The following ASPRV1 variants were observed in gnomAD, a reference collection of about 807,000 sequenced individuals.
ASPRV1 encodes the protein retroviral-like aspartic protease 1.
In ASPRV1, 7 loss-of-function variants were observed where a neutral mutation model predicts 11.0. That is an observed-to-expected ratio of 0.64 (90% CI 0.36 to 1.20). The LOEUF (loss-of-function observed/expected upper bound fraction) is 1.20, where lower values mean the gene tolerates loss of function less well. Ranked by LOEUF, ASPRV1 falls within the 50% of genes most tolerant of loss-of-function variation. ASPRV1 has a pLI of 0.02. For missense variants in ASPRV1, 299 were observed against 320.0 expected (o/e 0.93, Z 0.50); for synonymous variants, 136 against 138.4 (o/e 0.98, Z 0.12).
chr2:70,051,950 G>A, the ASPRV1 span, among the ~76,000 whole-genome samples: 1 of 152,064 alleles, frequency 6.6e-6, no homozygotes, highest in Non-Finnish European at 1.5e-5. Flanking sequence ...ACTCCAGTGT[G>A]GGTGACAGAG....
the ASPRV1 span, among the ~76,000 whole-genome samples, chr2:70,009,642 C>T: frequency 0.23 from 34,329 of 151,980 alleles, 6,550 homozygotes; most frequent in African/African-American, 0.48. Context: ...AACTTACTAT[C>T]TTAAATAAAT....
the ASPRV1 span, chr2:69,988,853 G>A: frequency 6.6e-6 from 3 of 456,338 alleles, no homozygotes; most frequent in South Asian, 4.7e-5. Flanking sequence ...AGTAGGATGG[G>A]AGGGGTCAGG....
the ASPRV1 span, among the ~76,000 whole-genome samples, chr2:70,006,395 C>A: frequency 1.3e-5 from 2 of 152,184 alleles, no homozygotes; most frequent in African/African-American, 4.8e-5. Context: ...GAGGCCAATT[C>A]TGTTTCCTTA....
chr2:69,935,471 T>C, the ASPRV1 span: 1 of 1,589,416 alleles, frequency 6.3e-7, no homozygotes, highest in Admixed American at 1.7e-5. Flanking sequence ...TAAAGGTAAG[T>C]GTATTGTTGG....
the ASPRV1 span, among the ~76,000 whole-genome samples, chr2:70,006,875 G>A: frequency 6.6e-6 from 1 of 152,130 alleles, no homozygotes; most frequent in African/African-American, 2.4e-5. Context: ...CAAGTGCTCG[G>A]GGTCTACAGA....
the ASPRV1 span, among the ~76,000 whole-genome samples, chr2:70,040,811 G>A: frequency 1.3e-5 from 2 of 152,146 alleles, no homozygotes; most frequent in African/African-American, 2.4e-5. Context: ...TCCAGCCTGG[G>A]TGACAGAGTG....
the ASPRV1 span, among the ~76,000 whole-genome samples, chr2:69,951,996 C>T: frequency 1.2e-4 from 19 of 152,268 alleles, no homozygotes; most frequent in African/African-American, 4.1e-4. Flanking sequence ...ACCCACTTGC[C>T]TTGCTCTGTT....
chr2:69,937,777 G>A, the ASPRV1 span, among the ~76,000 whole-genome samples: 2 of 152,148 alleles, frequency 1.3e-5, no homozygotes, highest in Non-Finnish European at 2.9e-5. Flanking sequence ...ACAATGCCTG[G>A]CAAATTTTCC....
the ASPRV1 span, chr2:70,086,402 G>C: frequency 6.6e-6 from 1 of 152,244 alleles, no homozygotes; most frequent in African/African-American, 2.4e-5. Flanking sequence ...TTAGCCCAAG[G>C]AGGAAGGGGA....
At chr2:69,998,162 G>C in the ASPRV1 span, 9 of 151,954 alleles carry the variant, frequency 5.9e-5, no homozygotes, top group African/African-American at 1.9e-4. Flanking sequence ...GCAGTGTGGG[G>C]ACACATTTAT....
At chr2:69,992,588 C>T in the ASPRV1 span, among the ~76,000 whole-genome samples, 1 of 152,218 alleles carries the variant, frequency 6.6e-6, no homozygotes, top group African/African-American at 2.4e-5. Context: ...TCCTCTACCC[C>T]TCACATTATT....
the ASPRV1 span, among the ~76,000 whole-genome samples, chr2:70,060,620 C>G: frequency 3.3e-5 from 5 of 152,006 alleles, no homozygotes; most frequent in Admixed American, 3.3e-4. Flanking sequence ...TGAGACCAGC[C>G]TGACCACCAC....
At chr2:70,049,057 C>CT in the ASPRV1 span, 3 of 149,930 alleles carry the variant, frequency 2.0e-5, no homozygotes, top group African/African-American at 7.4e-5. Context: ...TATTATTATA[C>CT]TTTAAGTTTT....
At chr2:70,038,591 GA>G in the ASPRV1 span, among the ~76,000 whole-genome samples, 3 of 151,572 alleles carry the variant, frequency 2.0e-5, no homozygotes, top group Admixed American at 6.6e-5. Flanking sequence ...TCTCAAGGGG[GA>G]AAAAAAAGCG....
At chr2:70,016,854 C>A in the ASPRV1 span, among the ~76,000 whole-genome samples, 2 of 149,434 alleles carry the variant, frequency 1.3e-5, no homozygotes, top group Admixed American at 6.6e-5. Context: ...TCTGTCCCCA[C>A]CAAGGGAGAA....
At chr2:70,001,031 T>G in the ASPRV1 span, among the ~76,000 whole-genome samples, 1 of 152,078 alleles carries the variant, frequency 6.6e-6, no homozygotes, top group Non-Finnish European at 1.5e-5. Flanking sequence ...AAGGACATAG[T>G]GAAGGAGGCA....
chr2:70,074,053 G>A, the ASPRV1 span, among the ~76,000 whole-genome samples: 27 of 130,468 alleles, frequency 2.1e-4, no homozygotes, highest in East Asian at 6.6e-3. Context: ...AGAATGGCGT[G>A]AACCCAGGAG....
the ASPRV1 span, among the ~76,000 whole-genome samples, chr2:70,005,894 CT>C: frequency 1.3e-5 from 2 of 152,232 alleles, no homozygotes; most frequent in African/African-American, 4.8e-5. Flanking sequence ...CCCTCAGCCC[CT>C]GTTTACATAG....
chr2:70,065,662 A>G, the ASPRV1 span, among the ~76,000 whole-genome samples: 1 of 151,118 alleles, frequency 6.6e-6, no homozygotes, highest in Admixed American at 6.6e-5. Flanking sequence ...TTCTACAAAA[A>G]ATTTTTTTAA....
Sources: gnomAD v4.1 joint callset for allele counts (sites outside exome capture counted in the v4.1 genomes callset) on GRCh38, gnomAD v4.1.1 for gene constraint, MANE v1.5 for transcripts, NCBI Gene and HGNC (gene_info 2026-07-23, HGNC 2026-07-21) for gene names.